Variants in AAMDC observed in about 807,000 individuals in gnomAD.
The protein encoded by AAMDC is mth938 domain-containing protein.
In AAMDC, 16 loss-of-function variants were observed where a neutral mutation model predicts 15.5. The ratio of observed to expected loss-of-function variants is 1.03; its 90% CI spans 0.70 to 1.57. The LOEUF (loss-of-function observed/expected upper bound fraction) is 1.57. Among genes scored for constraint, AAMDC ranks in the 40% most tolerant of loss-of-function variants. The pLI, the probability that AAMDC is intolerant of heterozygous loss-of-function variation, is 0.00. For synonymous variants in AAMDC, 51 were observed against 51.6 expected (o/e 0.99, Z 0.05); for missense variants, 141 against 144.9 (o/e 0.97, Z 0.14).
chr11:77,863,507 G>A (rs1950974755), intron 2 of AAMDC, among the ~76,000 whole-genome samples: 1 of 152,188 alleles, frequency 6.6e-6, no homozygotes, highest in African/African-American at 2.4e-5. Flanking sequence ...TTGTGCCTCA[G>A]CCTCCTGAGT....
chr11:77,889,549 T>TAATAA (rs1036330108), intron 5 of AAMDC, among the ~76,000 whole-genome samples: 1 of 152,170 alleles, frequency 6.6e-6, no homozygotes, highest in African/African-American at 2.4e-5. Context: ...AGTATAATAA[T>TAATAA]AATAAAATAA....
chr11:77,887,975 T>C (rs1462999757), intron 5 of AAMDC, among the ~76,000 whole-genome samples: 2 of 152,156 alleles, frequency 1.3e-5, no homozygotes, highest in Non-Finnish European at 2.9e-5. Flanking sequence ...GAAGAATCAA[T>C]ATTGTGAAAA....
At chr11:77,871,623 A>G (rs913602012) in intron 3 of AAMDC, among the ~76,000 whole-genome samples, 1 of 152,198 alleles carries the variant, frequency 6.6e-6, no homozygotes, top group African/African-American at 2.4e-5. Context: ...TGTAAGTACT[A>G]TTATACCTAT....
downstream of AAMDC, among the ~76,000 whole-genome samples, chr11:77,874,422 G>A (rs1375312647): frequency 6.6e-6 from 1 of 150,464 alleles, no homozygotes; most frequent in African/African-American, 2.5e-5. Flanking sequence ...TCTGGTGGGT[G>A]TTGAATTCAG....
intron 5 of AAMDC, among the ~76,000 whole-genome samples, chr11:77,888,061 T>C (rs1394078861): frequency 2.0e-5 from 3 of 152,136 alleles, no homozygotes; most frequent in African/African-American, 7.2e-5. Context: ...TTCACAGAAT[T>C]GGAAAAAACT....
rs112710281 is a variant in AAMDC at position 77,884,911 on chromosome 11, C to T, written c.328+7862C>T. ...TGGGGATTACAGGCACGTGCCACCACGCCAGGTAATTTTCTTTTTAAATTT... is the reference window on the plus strand; with the variant it reads ...TGGGGATTACAGGCACGTGCCACCATGCCAGGTAATTTTCTTTTTAAATTT... On this transcript the variant is annotated intron_variant, in intron 5 of 5. Transcript: ENST00000304716. 7.4e-3 allele frequency: 1,704 copies of T among 231,528 alleles called. 32 individuals are homozygous for T. The highest frequency in any genetic ancestry group is 0.033 in the African/African-American group (1,472 of 44,510). 14.3% of individuals were successfully genotyped at this position (231,528 alleles called of 1,614,324 possible).
chr11:77,852,894 T>G (rs752137812), intron 2 of AAMDC, among the ~76,000 whole-genome samples: 1 of 152,214 alleles, frequency 6.6e-6, no homozygotes, highest in Non-Finnish European at 1.5e-5. Context: ...TACCACTGTA[T>G]AGTAACCAAC....
chr11:77,879,005 T>C (rs1409077428), intron 5 of AAMDC: 1 of 1,614,058 alleles, frequency 6.2e-7, no homozygotes, highest in Non-Finnish European at 8.5e-7. Flanking sequence ...CTGAAGGGAA[T>C]GGTGCCCTCG....
At chr11:77,845,486 C>T (rs1162777217) in intron 2 of AAMDC, among the ~76,000 whole-genome samples, 2 of 151,778 alleles carry the variant, frequency 1.3e-5, no homozygotes, top group Non-Finnish European at 2.9e-5. Context: ...GCTGGAGTGC[C>T]GTGGCACAAT....
At chr11:77,874,190 TCA>T (rs1487928154), downstream of AAMDC, among the ~76,000 whole-genome samples, 1 of 152,168 alleles carries the variant, frequency 6.6e-6, no homozygotes, top group African/African-American at 2.4e-5. Context: ...AGTGAGTGCT[TCA>T]CAGACCCGAC....
chr11:77,875,543 C>G (rs1951571545), downstream of AAMDC, among the ~76,000 whole-genome samples: 1 of 152,138 alleles, frequency 6.6e-6, no homozygotes, highest in Non-Finnish European at 1.5e-5. Flanking sequence ...ACCGCCTTCT[C>G]CAACAGAGAA....
At chr11:77,886,053 A>T (rs72939448) in intron 5 of AAMDC, among the ~76,000 whole-genome samples, 21,882 of 151,766 alleles carry the variant, frequency 0.14, 1,789 homozygotes, top group Admixed American at 0.2. Flanking sequence ...AAAAAAAATT[A>T]AAATTAGCCA....
At chr11:77,855,444 C>G in intron 2 of AAMDC, 1 of 177,702 alleles carries the variant, frequency 5.6e-6, no homozygotes, top group South Asian at 1.1e-4. Context: ...CTCAGCCTCC[C>G]AAGTAGCTGG....
At chr11:77,830,441 T>G (rs922824061) in intron 1 of AAMDC, among the ~76,000 whole-genome samples, 1 of 151,960 alleles carries the variant, frequency 6.6e-6, no homozygotes, top group Non-Finnish European at 1.5e-5. Context: ...AATGCAGTCT[T>G]ACAAACCTGC....
intron 5 of AAMDC, among the ~76,000 whole-genome samples, chr11:77,890,031 C>A (rs1204483015): frequency 6.6e-6 from 1 of 152,192 alleles, no homozygotes; most frequent in African/African-American, 2.4e-5. Flanking sequence ...TGTCCATAGG[C>A]CCTATTCTCA....
chr11:77,850,785 TACACACACACAC>T (rs10555278), intron 2 of AAMDC: 1 of 125,846 alleles, frequency 7.9e-6, no homozygotes. Context: ...TACACACACA[TACACACACACAC>T]ACACACACAT....
chr11:77,865,344 T>C (rs1373675950), intron 2 of AAMDC, among the ~76,000 whole-genome samples: 1 of 152,208 alleles, frequency 6.6e-6, no homozygotes, highest in Admixed American at 6.5e-5. Flanking sequence ...GAGATGTGGA[T>C]AGCACAATTT....
chr11:77,839,875 A>T (rs1949852826), intron 1 of AAMDC, among the ~76,000 whole-genome samples: 1 of 152,124 alleles, frequency 6.6e-6, no homozygotes, highest in Non-Finnish European at 1.5e-5. Context: ...TGTGGGGCTT[A>T]ATACCTAGGT....
intron 2 of AAMDC, among the ~76,000 whole-genome samples, chr11:77,845,321 C>T (rs960003530): frequency 6.6e-6 from 1 of 152,026 alleles, no homozygotes; most frequent in Admixed American, 6.6e-5. Context: ...ACTGGATAAT[C>T]TCAATTGACC....
Sources: allele counts gnomAD v4.1 joint callset (sites outside exome capture counted in the v4.1 genomes callset), GRCh38; gene constraint gnomAD v4.1.1; transcripts MANE v1.5; gene names NCBI Gene and HGNC (gene_info 2026-07-23, HGNC 2026-07-21).